Variants in UBXN2A observed in about 807,000 individuals in gnomAD.
UBXN2A encodes UBX domain protein 2A.
Under a neutral mutation model 28.4 loss-of-function variants are expected in UBXN2A, and 28 were observed. The ratio of observed to expected loss-of-function variants is 0.99; its 90% CI spans 0.73 to 1.35. UBXN2A has a LOEUF of 1.35. Among genes scored for constraint, UBXN2A ranks in the 40% most tolerant of loss-of-function variants. UBXN2A has a pLI of 0.00. For synonymous variants in UBXN2A, 97 were observed against 103.6 expected (o/e 0.94, Z 0.39); for missense variants, 253 against 297.9 (o/e 0.85, Z 1.11).
intron 6 of UBXN2A, among the ~76,000 whole-genome samples, chr2:23,986,326 A>G (rs1056458100): frequency 6.6e-6 from 1 of 151,836 alleles, no homozygotes; most frequent in Non-Finnish European, 1.5e-5. Context: ...TAATAATAAT[A>G]ATAATAGTAA....
chr2:23,982,806 C>G (rs1035570544), intron 4 of UBXN2A, 90 bp from the exon 5 acceptor site: 3 of 1,326,656 alleles, frequency 2.3e-6, no homozygotes, highest in Non-Finnish European at 2.0e-6. Context: ...CTGTATATTT[C>G]TACATATTCA....
upstream of UBXN2A, among the ~76,000 whole-genome samples, chr2:23,937,714 T>C (rs1187082642): frequency 2.0e-5 from 3 of 152,178 alleles, no homozygotes; most frequent in Non-Finnish European, 4.4e-5. Flanking sequence ...GACTTGTACG[T>C]GGAAAACTAT....
chr2:23,950,511 C>T (rs547524332), intron 1 of UBXN2A, among the ~76,000 whole-genome samples: 139 of 152,048 alleles, frequency 9.1e-4, no homozygotes, highest in Non-Finnish European at 1.6e-3. Context: ...TCCAGCAATT[C>T]TCCCACCTCA....
intron 3 of UBXN2A, 74 bp downstream of exon 3, chr2:23,971,488 G>A: frequency 7.2e-7 from 1 of 1,395,526 alleles, no homozygotes; most frequent in South Asian, 1.9e-5. Context: ...GGGTCCCTAA[G>A]GTCAAAATTG....
intron 6 of UBXN2A, among the ~76,000 whole-genome samples, chr2:23,991,896 A>G (rs534077298): frequency 6.6e-6 from 1 of 152,028 alleles, no homozygotes; most frequent in South Asian, 2.1e-4. Flanking sequence ...GGTTCAAGCA[A>G]TTCTCGTCCC....
chr2:23,935,477 C>G (rs922381131), upstream of UBXN2A, among the ~76,000 whole-genome samples: 1 of 152,014 alleles, frequency 6.6e-6, no homozygotes, highest in Non-Finnish European at 1.5e-5. Flanking sequence ...AGCCAATAGG[C>G]GCATGAAAAG....
chr2:23,994,508 T>C (rs1271724746), intron 6 of UBXN2A, among the ~76,000 whole-genome samples: 1 of 152,238 alleles, frequency 6.6e-6, no homozygotes, highest in East Asian at 1.9e-4. Context: ...TGATTCAGTC[T>C]GCATATTTTC....
At chr2:23,968,545 T>C (rs1221229278) in intron 2 of UBXN2A, among the ~76,000 whole-genome samples, 2 of 151,046 alleles carry the variant, frequency 1.3e-5, no homozygotes, top group Admixed American at 1.3e-4. Flanking sequence ...TGGTGGCGGG[T>C]GCCTGTAGTC....
At chr2:23,986,783 T>G (rs1708150661) in intron 6 of UBXN2A, among the ~76,000 whole-genome samples, 4 of 152,064 alleles carry the variant, frequency 2.6e-5, no homozygotes, top group Admixed American at 2.0e-4. Flanking sequence ...AATTTTTGTA[T>G]TTTTAGTAGA....
chr2:23,951,958 GT>G (rs1041732626), intron 1 of UBXN2A, among the ~76,000 whole-genome samples: 5 of 145,992 alleles, frequency 3.4e-5, no homozygotes, highest in South Asian at 4.4e-4. Flanking sequence ...ATTTCCTGAA[GT>G]TTTTTTCCTT....
At chr2:23,978,607 G>A (rs1341599693) in intron 4 of UBXN2A, among the ~76,000 whole-genome samples, 9 of 151,414 alleles carry the variant, frequency 5.9e-5, no homozygotes. Flanking sequence ...TCACGCCACT[G>A]CACTCCAGCC....
chr2:23,932,627 A>C (rs553014694), intron 1 of UBXN2A, among the ~76,000 whole-genome samples: 1 of 152,312 alleles, frequency 6.6e-6, no homozygotes, highest in South Asian at 2.1e-4. Flanking sequence ...GCCTGAATTC[A>C]CCAAGGCTAG....
chr2:23,986,241 C>A (rs984444074), intron 6 of UBXN2A, among the ~76,000 whole-genome samples: 1 of 151,874 alleles, frequency 6.6e-6, no homozygotes, highest in South Asian at 2.1e-4. Flanking sequence ...ACCCGGAAGG[C>A]GGAGCTTGCA....
intron 2 of UBXN2A, chr2:23,968,894 CT>C (rs551302005): frequency 0.11 from 13,786 of 130,184 alleles, 354 homozygotes; most frequent in Middle Eastern, 0.18. Context: ...TTTCTTTTTT[CT>C]TTTTTTTTTT....
chr2:23,944,166 C>A, intron 1 of UBXN2A: 1 of 1,195,394 alleles, frequency 8.4e-7, no homozygotes, highest in Non-Finnish European at 1.2e-6. Flanking sequence ...GTCCCTGTGT[C>A]TGGGGCCAGC....
intron 2 of UBXN2A, among the ~76,000 whole-genome samples, chr2:23,961,539 CTTTTTTTTTTTTT>C (rs71395167): frequency 3.9e-5 from 2 of 51,272 alleles, no homozygotes; most frequent in African/African-American, 1.5e-4. Context: ...AGAAAACTGC[CTTTTTTTTTTTTT>C]TTTTTTTTTT....
In UBXN2A at chr2:23,982,415, G is replaced by A. The variant is rs373062967; in HGVS notation, c.288-481G>A. On this transcript the variant is annotated intron_variant, in intron 4 of 6. Coordinates refer to ENST00000309033, the MANE Select transcript of UBXN2A (RefSeq NM_181713.4). Reference sequence around the variant, plus strand: ...TTTTTGTTGGGCCACATTTAAAGCCGTCCTAGGCCACAGATTGGACAAGCC... The same window carrying A: ...TTTTTGTTGGGCCACATTTAAAGCCATCCTAGGCCACAGATTGGACAAGCC... Among the ~76,000 whole-genome samples the A allele has an allele frequency of 1.2e-4, 18 of 152,020 alleles. 1 individual carries two copies. The South Asian group carries it at 3.5e-3, about 30-fold the overall frequency.
rs1305920021 is a variant in UBXN2A, at chr2:23,987,893, G to T, written c.584+3062G>T. On this transcript the variant is annotated intron_variant, in intron 6 of 6. Coordinates refer to ENST00000309033, the MANE Select transcript of UBXN2A (RefSeq NM_181713.4). ...AATCCCAGCATTTTAGGAGACCGAG[G>T]CAGGCAGATCACAAGGTCAGGAGTT... Among the ~76,000 whole-genome samples the T allele has an allele frequency of 2.0e-5, 3 of 152,074 alleles. No homozygotes were observed. The East Asian group carries it at 5.8e-4, about 29-fold the overall frequency.
intron 6 of UBXN2A, among the ~76,000 whole-genome samples, chr2:23,997,238 AT>A (rs1310533563): frequency 6.6e-6 from 1 of 151,976 alleles, no homozygotes; most frequent in Non-Finnish European, 1.5e-5. Flanking sequence ...ATCTTGTCAG[AT>A]TTGTTCATTT....
Sources: gnomAD v4.1 joint callset for allele counts (sites outside exome capture counted in the v4.1 genomes callset) on GRCh38, gnomAD v4.1.1 for gene constraint, MANE v1.5 for transcripts, NCBI Gene and HGNC (gene_info 2026-07-23, HGNC 2026-07-21) for gene names.